Variants in ZNF385D observed in about 807,000 individuals in gnomAD.
The protein encoded by ZNF385D is zinc finger protein 659.
A neutral mutation model predicts 35.8 loss-of-function variants in ZNF385D; 15 were observed. That is an observed-to-expected ratio of 0.42 (90% CI 0.28 to 0.64). The LOEUF (loss-of-function observed/expected upper bound fraction) is 0.64, where lower values mean the gene tolerates loss of function less well. Among genes scored for constraint, ZNF385D ranks in the 30% least tolerant of loss-of-function variants. The pLI is 0.23. For synonymous variants in ZNF385D, 212 were observed against 186.8 expected, an observed-to-expected ratio of 1.13 and a Z score of -1.10; for missense variants, 474 against 494.6, an observed-to-expected ratio of 0.96 and a Z score of 0.39.
chr3:21,874,003 A>G lies in ZNF385D; in HGVS notation c.326-208975T>C, dbSNP rs144176416. 7.3e-4 allele frequency among the ~76,000 whole-genome samples: 110 copies of G among 149,840 alleles called. 2 individuals carry two copies. The East Asian group carries it at 0.02, about 28-fold the overall frequency. On this transcript the variant is annotated intron_variant, in intron 3 of 5. Transcript: ENST00000494108. ...ATTTCATTTTTTTTTTTGTATAAAT[A>G]CCCAGAATTAGAATTGTTAAATCAT...
chr3:21,593,358 T>A (rs1479967213), intron 2 of ZNF385D, among the ~76,000 whole-genome samples: 1 of 152,176 alleles, frequency 6.6e-6, no homozygotes, highest in African/African-American at 2.4e-5. Flanking sequence ...AATCTTTTTT[T>A]CTTTCCGTCT....
At chr3:22,332,916 T>C (rs1417845852) in intron 2 of ZNF385D, among the ~76,000 whole-genome samples, 3 of 151,900 alleles carry the variant, frequency 2.0e-5, no homozygotes, top group Non-Finnish European at 2.9e-5. Flanking sequence ...TTTTTTTTTT[T>C]CCTGGTGTTT....
intron 3 of ZNF385D, among the ~76,000 whole-genome samples, chr3:22,058,035 C>A (rs1055944993): frequency 6.6e-6 from 1 of 152,106 alleles, no homozygotes; most frequent in South Asian, 2.1e-4. Flanking sequence ...TACATCACAA[C>A]CAAACTAAAA....
intron 5 of ZNF385D, among the ~76,000 whole-genome samples, chr3:21,435,251 C>T (rs571419917): frequency 7.5e-6 from 1 of 132,900 alleles, no homozygotes; most frequent in African/African-American, 2.9e-5. Flanking sequence ...AAGAACAACT[C>T]CCAATTTTTT....
intron 3 of ZNF385D, among the ~76,000 whole-genome samples, chr3:21,783,486 A>G (rs2071571246): frequency 6.6e-6 from 1 of 152,138 alleles, no homozygotes; most frequent in African/African-American, 2.4e-5. Flanking sequence ...ATATTTTTGG[A>G]GAGACCTTAT....
chr3:21,695,571 T>G (rs1053037259), intron 1 of ZNF385D, among the ~76,000 whole-genome samples: 1 of 152,120 alleles, frequency 6.6e-6, no homozygotes, highest in African/African-American at 2.4e-5. Context: ...TCTCAGATAA[T>G]GCCAGATGCT....
chr3:21,422,196 CTGTT>C (rs759415981), intron 7 of ZNF385D, among the ~76,000 whole-genome samples: 1 of 152,154 alleles, frequency 6.6e-6, no homozygotes, highest in African/African-American at 2.4e-5. Context: ...TTTGACTACT[CTGTT>C]TATTTAAGAA....
intron 3 of ZNF385D, among the ~76,000 whole-genome samples, chr3:21,842,901 T>G (rs549465969): frequency 1.3e-5 from 2 of 152,208 alleles, no homozygotes; most frequent in South Asian, 2.1e-4. Flanking sequence ...AATGGTAATC[T>G]GCCAGACATG....
intron 3 of ZNF385D, among the ~76,000 whole-genome samples, chr3:21,552,378 G>A (rs1166575275): frequency 1.3e-5 from 2 of 152,110 alleles, no homozygotes; most frequent in Non-Finnish European, 2.9e-5. Context: ...AGTAAACAAA[G>A]TTAACATTTC....
At chr3:21,487,402 A>G (rs1352311928) in intron 4 of ZNF385D, among the ~76,000 whole-genome samples, 1 of 152,048 alleles carries the variant, frequency 6.6e-6, no homozygotes, top group Non-Finnish European at 1.5e-5. Context: ...TCAAACATGT[A>G]GGGGAATAAT....
chr3:22,361,072 T>G (rs1427429832), intron 2 of ZNF385D, among the ~76,000 whole-genome samples: 1 of 152,064 alleles, frequency 6.6e-6, no homozygotes, highest in Admixed American at 6.6e-5. Context: ...ACAAAACTAG[T>G]TGATGTTGCA....
intron 2 of ZNF385D, among the ~76,000 whole-genome samples, chr3:21,625,002 A>C (rs1296918715): frequency 6.6e-6 from 1 of 152,072 alleles, no homozygotes; most frequent in Non-Finnish European, 1.5e-5. Context: ...TCATGTATAA[A>C]TATTCTCATA....
intron 3 of ZNF385D, among the ~76,000 whole-genome samples, chr3:21,553,089 C>G (rs1319925383): frequency 6.6e-6 from 1 of 152,112 alleles, no homozygotes; most frequent in Non-Finnish European, 1.5e-5. Flanking sequence ...ATGCAGGCAA[C>G]TTCTAGAAGC....
intron 1 of ZNF385D, among the ~76,000 whole-genome samples, chr3:21,720,829 T>C (rs929557818): frequency 6.6e-6 from 1 of 152,164 alleles, no homozygotes; most frequent in Non-Finnish European, 1.5e-5. Context: ...TGTAGGGTAG[T>C]AGTGGGGTTT....
intron 2 of ZNF385D, among the ~76,000 whole-genome samples, chr3:22,232,841 C>T (rs999168217): frequency 6.6e-6 from 1 of 152,186 alleles, no homozygotes; most frequent in Non-Finnish European, 1.5e-5. Flanking sequence ...TACATTTTCT[C>T]TACTGTCTTC....
chr3:21,985,720 T>C (rs1694766233), intron 3 of ZNF385D, among the ~76,000 whole-genome samples: 1 of 129,028 alleles, frequency 7.8e-6, no homozygotes, highest in Non-Finnish European at 1.6e-5. Context: ...TTCTATTGAT[T>C]GGAATAGTTT....
At chr3:21,665,641 C>A (rs1477357661) in intron 1 of ZNF385D, among the ~76,000 whole-genome samples, 1 of 152,154 alleles carries the variant, frequency 6.6e-6, no homozygotes, top group Non-Finnish European at 1.5e-5. Context: ...TTCAACAACT[C>A]CCTGCCTCCC....
chr3:21,709,281 T>C (rs1381203890), intron 1 of ZNF385D, among the ~76,000 whole-genome samples: 2 of 152,180 alleles, frequency 1.3e-5, no homozygotes, highest in Non-Finnish European at 2.9e-5. Context: ...AAGGCAGATA[T>C]ATTGTGTTTT....
chr3:22,005,087 C>T (rs1359081843), intron 3 of ZNF385D, among the ~76,000 whole-genome samples: 2 of 80,896 alleles, frequency 2.5e-5, no homozygotes, highest in Admixed American at 1.2e-4. Context: ...AAAAAAAAGG[C>T]AGAAAAGCAG....
Sources: gnomAD v4.1 joint callset for allele counts (sites outside exome capture counted in the v4.1 genomes callset) on GRCh38, gnomAD v4.1.1 for gene constraint, MANE v1.5 for transcripts, NCBI Gene and HGNC (gene_info 2026-07-23, HGNC 2026-07-21) for gene names.